Variants in PTCH1 observed in about 807,000 individuals in gnomAD.
PTCH1 encodes protein patched homolog 1.
A neutral mutation model predicts 144.6 loss-of-function variants in PTCH1; 14 were observed. That is an observed-to-expected ratio of 0.10 (90% CI 0.06 to 0.15). The LOEUF (loss-of-function observed/expected upper bound fraction) is 0.15, where lower values mean the gene tolerates loss of function less well. PTCH1 is among the 10% of genes least tolerant of loss of function. The probability of loss-of-function intolerance (pLI) is 1.00; values close to 1 mark genes in which losing one functional copy is unlikely to be tolerated. For missense variants in PTCH1, 1,623 were observed against 1,948.3 expected, an observed-to-expected ratio of 0.83 and a Z score of 3.14; for synonymous variants, 833 against 793.6, an observed-to-expected ratio of 1.05 and a Z score of -0.83.
At chr9:95,506,066 T>G (rs1843586019) in intron 2 of PTCH1, among the ~76,000 whole-genome samples, 2 of 147,538 alleles carry the variant, frequency 1.4e-5, no homozygotes, top group South Asian at 4.2e-4. Flanking sequence ...CCGGGGCGCC[T>G]CTCGGGGCGC....
In PTCH1 at chr9:95,508,760, C is replaced by T. The variant is rs1166700228; in HGVS notation, c.-399G>A. On this transcript the variant is annotated 5_prime_UTR_variant, in exon 1 of 24. Coordinates refer to ENST00000331920, the MANE Select transcript of PTCH1 (RefSeq NM_000264.5). ...AACTCCCCCTACCCGCCCCCCGCCC[C>T]GCGCCGCGACCCCTTCACTGCAGAA... 1.0e-6 allele frequency: 1 copy of T among 985,174 alleles called. No individual in the cohort carries two copies. The highest frequency in any genetic ancestry group is 1.2e-6 in the Non-Finnish European group (1 of 829,980). The allele number at this position is 985,174 out of a possible 1,614,324, so 61.0% of individuals were successfully genotyped here.
At chr9:95,482,062 G>A (rs766350635) in intron 4 of PTCH1, 22 bp from the exon 5 acceptor site, 1 of 1,611,558 alleles carries the variant, frequency 6.2e-7, no homozygotes, top group African/African-American at 1.3e-5. Flanking sequence ...AAAAAGAAGA[G>A]GCCATGCGTT....
rs556444223 is a variant in PTCH1, at chr9:95,449,458, T to A, written c.3550-135A>T. The A allele has an allele frequency of 1.3e-5, 16 of 1,262,336 alleles. No individual in the cohort carries two copies. In the Admixed American group the frequency reaches 2.6e-4, roughly 21 times the overall value. The allele number at this position is 1,262,336 out of a possible 1,614,324, so 78.2% of individuals were successfully genotyped here. ...CCCTGCGCACTGTGCCGTATTAACC[T>A]CCCCTTCTCTACCACCTGGAGGACC... On this transcript the variant is annotated intron_variant, in intron 21 of 23. Transcript: ENST00000331920. The surrounding 1 kb of genome is among the most constrained non-coding windows in gnomAD (Gnocchi z 5.3).
At position 95,478,147 on chromosome 9, in the gene PTCH1, C is replaced by T. The variant is rs202136156; in HGVS notation, c.1255G>A (p.Val419Met). The T allele has an allele frequency of 6.2e-7, 1 of 1,614,116 alleles. No homozygotes were observed. Among genetic ancestry groups the T allele is most frequent in the Non-Finnish European group, 8.5e-7 (1 of 1,180,042 alleles). The change falls in exon 9 of 24, where the codon GTG (valine) becomes ATG (methionine). Residue 419 changes from valine (V) to methionine (M), a missense_variant. Transcript: ENST00000331920. ...AGGGTCGTGGTGGTGAAGGAAAGCA[C>T]CTTTTGAGTGGAGTTCTGTGCGACA... ...QSVAQNSTQKVLSFTTTTLDD... is the reference protein window; with the variant it reads ...QSVAQNSTQKMLSFTTTTLDD...
In PTCH1 at chr9:95,466,982, A is replaced by T. The variant is rs45628039; in HGVS notation, c.2560+134T>A. ...AGAAACAGTTCATGTAAGAATCTTG[A>T]GCAACTCTTAAAAGTCCATGAAACA... On this transcript the variant is annotated intron_variant, in intron 15 of 23. Coordinates refer to ENST00000331920, the MANE Select transcript of PTCH1 (RefSeq NM_000264.5). 0.04 allele frequency: 39,627 copies of T among 984,236 alleles called. 985 individuals carry two copies. Among genetic ancestry groups the T allele is most frequent in the Middle Eastern group, 0.059 (185 of 3,138 alleles). The allele number at this position is 984,236 out of a possible 1,614,324, so 61.0% of individuals were successfully genotyped here. A position where few individuals can be genotyped will look rare whatever the true frequency, so the allele number is the denominator to read the frequency against.
intron 3 of PTCH1, among the ~76,000 whole-genome samples, chr9:95,484,670 A>G (rs1841836110): frequency 6.6e-6 from 1 of 152,190 alleles, no homozygotes; most frequent in Non-Finnish European, 1.5e-5. Flanking sequence ...GGGTGACATC[A>G]ACTCAGAGGT....
chr9:95,510,558 G>A (rs549586562), upstream of PTCH1, among the ~76,000 whole-genome samples: 3 of 151,960 alleles, frequency 2.0e-5, no homozygotes, highest in South Asian at 2.1e-4. Flanking sequence ...ACGTTTCCAA[G>A]TTATTACGTT....
intron 14 of PTCH1, among the ~76,000 whole-genome samples, chr9:95,467,941 C>G (rs976435440): frequency 1.1e-4 from 17 of 151,494 alleles, no homozygotes; most frequent in African/African-American, 4.1e-4. Flanking sequence ...GGATCTCACT[C>G]TGTCTCCCAG....
At chr9:95,469,733 A>C (rs750650067) in intron 13 of PTCH1, 80 bp downstream of exon 13, 11 of 1,336,732 alleles carry the variant, frequency 8.2e-6, no homozygotes, top group Non-Finnish European at 1.2e-5. Flanking sequence ...ACATTCCTTT[A>C]TAAGTCCACA....
chr9:95,511,125 C>T (rs545435942), upstream of PTCH1, among the ~76,000 whole-genome samples: 15 of 149,848 alleles, frequency 1.0e-4, no homozygotes, highest in East Asian at 2.9e-3. Flanking sequence ...TCAGCGGCCC[C>T]GCGCTGGCTG....
At chr9:95,454,758 C>T (rs181357548) in intron 19 of PTCH1, among the ~76,000 whole-genome samples, 5 of 152,376 alleles carry the variant, frequency 3.3e-5, no homozygotes, top group Admixed American at 3.3e-4. Context: ...CTCTTCTTCA[C>T]AGCCTTATTC....
chr9:95,447,445 G>A lies in PTCH1; in HGVS notation c.3811C>T (p.His1271Tyr), dbSNP rs1554688752. 6.3e-7 allele frequency: 1 copy of A among 1,584,886 alleles called. No homozygotes were observed. The highest frequency in any genetic ancestry group is 8.6e-7 in the Non-Finnish European group (1 of 1,168,176). The change falls in exon 23 of 24, where the codon CAT becomes TAT. Residue 1271 changes from histidine to tyrosine, a missense_variant. By Grantham distance (83) the His-to-Tyr change is moderately conservative. Transcript: ENST00000331920. ...NPVFAHSTVVHPESRHHPPSN... is the reference protein window; with the variant it reads ...NPVFAHSTVVYPESRHHPPSN... ...GGTGGGTGATGCCTGGATTCGGGAT[G>A]GACCACCTGCAGAGGGTGAGGGTGG...
At chr9:95,509,448 C>T (rs1190036837), upstream of PTCH1, among the ~76,000 whole-genome samples, 4 of 152,234 alleles carry the variant, frequency 2.6e-5, no homozygotes, top group East Asian at 1.9e-4. Context: ...AGGTAGGCAA[C>T]CCAGTGTGTG....
At chr9:95,498,992 C>G (rs1842966541) in intron 2 of PTCH1, among the ~76,000 whole-genome samples, 1 of 152,158 alleles carries the variant, frequency 6.6e-6, no homozygotes, top group Admixed American at 6.5e-5. Flanking sequence ...GAGTTCTAAG[C>G]AAGGAAGACC....
At chr9:95,504,190 G>A (rs946285310) in intron 2 of PTCH1, among the ~76,000 whole-genome samples, 1 of 152,122 alleles carries the variant, frequency 6.6e-6, no homozygotes, top group African/African-American at 2.4e-5. Context: ...CCCAAGACCA[G>A]TGAGTCATGC....
At position 95,443,564 on chromosome 9, in the gene PTCH1, C is replaced by T. The variant is rs376506202; in HGVS notation, c.*2829G>A. ...TGGTAACTAATAAACACTTCATAAT[C>T]GCATGAATATCCACTCTGCTCTGAC... is the stretch of plus-strand genomic sequence containing the variant. On this transcript the variant is annotated 3_prime_UTR_variant, in exon 24 of 24. Coordinates refer to ENST00000331920, the MANE Select transcript of PTCH1 (RefSeq NM_000264.5). The T allele has an allele frequency of 6.6e-6, 1 of 152,544 alleles. No individual in the cohort carries two copies. 9.4% of individuals were successfully genotyped at this position (152,544 alleles called of 1,614,324 possible).
At chr9:95,493,924 C>T (rs1014865785) in intron 2 of PTCH1, among the ~76,000 whole-genome samples, 2 of 152,150 alleles carry the variant, frequency 1.3e-5, no homozygotes, top group African/African-American at 4.8e-5. Context: ...AGTTTCTGGG[C>T]CGTTTTTTTC....
At position 95,494,551 on chromosome 9, in the gene PTCH1, C is replaced by G. The variant is rs1040642262; in HGVS notation, c.395-8677G>C. The G allele has an allele frequency of 3.5e-5, 26 of 742,674 alleles. 1 individual carries two copies. Among genetic ancestry groups the G allele is most frequent in the South Asian group, 3.1e-4 (5 of 16,338 alleles). 46.0% of individuals were successfully genotyped at this position (742,674 alleles called of 1,614,324 possible). A position where few individuals can be genotyped will look rare whatever the true frequency, so the allele number is the denominator to read the frequency against. ...TCCAAGCTGGGAACTGTCCCAGGTT[C>G]TACCACAACCTCAGGTGCAACCAGG... On this transcript the variant is annotated intron_variant, in intron 2 of 23. Transcript: ENST00000331920.
At chr9:95,466,181 G>T (rs1040105149) in intron 15 of PTCH1, among the ~76,000 whole-genome samples, 16 of 152,080 alleles carry the variant, frequency 1.1e-4, no homozygotes, top group African/African-American at 3.9e-4. Context: ...CTGAGTAGCT[G>T]GAATTACAGG....
Sources: allele counts gnomAD v4.1 joint callset (sites outside exome capture counted in the v4.1 genomes callset), GRCh38; gene constraint gnomAD v4.1.1; non-coding constraint Gnocchi (gnomAD v3.1); transcripts MANE v1.5; gene names NCBI Gene and HGNC (gene_info 2026-07-23, HGNC 2026-07-21).